GET4: variants seen among roughly 807,000 people sequenced by gnomAD.
GET4 encodes the protein Golgi to ER traffic protein 4 homolog.
A neutral mutation model predicts 40.0 loss-of-function variants in GET4; 20 were observed. The ratio of observed to expected loss-of-function variants is 0.50; its 90% CI spans 0.35 to 0.73. The LOEUF (loss-of-function observed/expected upper bound fraction) is 0.73. Among genes scored for constraint, GET4 ranks in the 30% least tolerant of loss-of-function variants. The pLI, the probability that GET4 is intolerant of heterozygous loss-of-function variation, is 0.01. For synonymous variants in GET4, 280 were observed against 194.6 expected (o/e 1.44, Z -3.65); for missense variants, 557 against 454.0 (o/e 1.23, Z -2.06).
In GET4 at chr7:895,390, C is replaced by T; in HGVS notation, c.952C>T (p.Pro318Ser). The change falls in exon 9 of 9, where the codon CCC becomes TCC. Residue 318 changes from proline to serine, a missense_variant. Pro to Ser is a moderately conservative substitution (Grantham distance 74). Transcript: ENST00000265857. Reference sequence around the variant, plus strand: ...AGAGCAGGAGGATGGGGAGGAGAGCCCCAGCGACGGCAGCCCCATCGAGCT... The same window carrying T: ...AGAGCAGGAGGATGGGGAGGAGAGCTCCAGCGACGGCAGCCCCATCGAGCT... ...SSEQEDGEES[P>S]SDGSPIELD 1 of 1,596,460 alleles carries T rather than the reference C, an allele frequency of 6.3e-7. No individual in the cohort carries two copies. The highest frequency in any genetic ancestry group is 8.6e-7 in the Non-Finnish European group (1 of 1,165,796).
intron 2 of GET4, 70 bp downstream of exon 2, chr7:886,204 C>A: frequency 4.1e-6 from 4 of 985,908 alleles, no homozygotes; most frequent in Non-Finnish European, 6.5e-6. Context: ...GAATGACCTC[C>A]CACCTCCACT....
At position 891,675 on chromosome 7, in the gene GET4, C is replaced by T. The variant is rs71538116; in HGVS notation, c.606-603C>T. On this transcript the variant is annotated intron_variant, in intron 5 of 8. Transcript: ENST00000265857. ...CACAGAACAAATATGGATTTCAAGG[C>T]GGGCGTTGGGGATTTGATGTAGGAT... 5.8e-3 allele frequency among the ~76,000 whole-genome samples: 886 copies of T among 152,364 alleles called. 2 individuals are homozygous for T. The highest frequency in any genetic ancestry group is 9.0e-3 in the Non-Finnish European group (615 of 68,040).
chr7:888,787 G>A (rs1306299564), intron 4 of GET4, among the ~76,000 whole-genome samples: 1 of 152,234 alleles, frequency 6.6e-6, no homozygotes, highest in Non-Finnish European at 1.5e-5. Flanking sequence ...CACAGAACAC[G>A]GCCGCAGACA....
At position 876,615 on chromosome 7, in the gene GET4, C is replaced by G. The variant is rs1843941328; in HGVS notation, c.-31C>G. On this transcript the variant is annotated 5_prime_UTR_variant, in exon 1 of 9. Transcript: ENST00000265857. ...GAGGCGCTGCCGACCGCGCCTGCGA[C>G]AGCGTCAGCCCTGCGCGGAGCGCCG... 3 of 1,172,656 alleles carry G rather than the reference C, an allele frequency of 2.6e-6. No homozygotes were observed. Among genetic ancestry groups the G allele is most frequent in the Non-Finnish European group, 3.2e-6 (3 of 944,778 alleles). 72.6% of individuals were successfully genotyped at this position (1,172,656 alleles called of 1,614,324 possible).
In GET4 at chr7:890,522, T is replaced by C. The variant is rs552545571; in HGVS notation, c.467-406T>C. On this transcript the variant is annotated intron_variant, in intron 4 of 8. Coordinates refer to ENST00000265857, the MANE Select transcript of GET4 (RefSeq NM_015949.3). ...TTGTTGGGTCAGTGTGGTGAGAACA[T>C]CAGGCTGGTTTCTGCTGTTGATCTA... 1.2e-4 allele frequency among the ~76,000 whole-genome samples: 19 copies of C among 152,138 alleles called. No individual in the cohort carries two copies. In the South Asian group the frequency reaches 2.3e-3, roughly 18 times the overall value.
intron 1 of GET4, chr7:884,082 G>C: frequency 1.7e-6 from 2 of 1,192,312 alleles, no homozygotes; most frequent in Non-Finnish European, 2.1e-6. Context: ...GCCTTCCAGG[G>C]AGTCCTTTTT....
In GET4 at chr7:895,748, A is replaced by T. The variant is rs114258265; in HGVS notation, c.*326A>T. The T allele has an allele frequency of 1.2e-3, 225 of 192,804 alleles. No homozygotes were observed. Among genetic ancestry groups the T allele is most frequent in the African/African-American group, 4.9e-3 (211 of 42,986 alleles). 11.9% of individuals were successfully genotyped at this position (192,804 alleles called of 1,614,324 possible). ...TTTCGGGAGGGCTGATGGGCAGCACAGGAGGCCCGTCCTCGGGGGGCTGCG... is the reference window on the plus strand; with the variant it reads ...TTTCGGGAGGGCTGATGGGCAGCACTGGAGGCCCGTCCTCGGGGGGCTGCG... On this transcript the variant is annotated 3_prime_UTR_variant, in exon 9 of 9. Coordinates refer to ENST00000265857, the MANE Select transcript of GET4 (RefSeq NM_015949.3).
At chr7:887,258 G>T (rs1391426664) in intron 3 of GET4, 112 bp from the exon 4 acceptor site, 1 of 1,096,848 alleles carries the variant, frequency 9.1e-7, no homozygotes, top group East Asian at 2.4e-5. Flanking sequence ...CGCCCAGCAG[G>T]TTCCTCTCCC....
At chr7:892,802 AGTGCAGGTGTAGACGGCGTAT>A (rs1219841906) in intron 6 of GET4, among the ~76,000 whole-genome samples, 1 of 145,816 alleles carries the variant, frequency 6.9e-6, no homozygotes, top group African/African-American at 2.6e-5. Context: ...TACAGGTGTG[AGTGCAGGTGTAGACGGCGTAT>A]GTGCAGGTGT....
At chr7:891,384 A>G (rs112077401) in intron 5 of GET4, among the ~76,000 whole-genome samples, 1,967 of 152,160 alleles carry the variant, frequency 0.013, 16 homozygotes, top group African/African-American at 0.025. Flanking sequence ...TCTTTCCCGC[A>G]CTATCTGGAA....
chr7:888,602 T>G (rs1417319628), intron 4 of GET4, among the ~76,000 whole-genome samples: 1 of 152,202 alleles, frequency 6.6e-6, no homozygotes, highest in African/African-American at 2.4e-5. Flanking sequence ...CACAGGGAGA[T>G]GAGCCAGTGC....
chr7:886,912 G>A (rs930507988), intron 3 of GET4: 24 of 551,450 alleles, frequency 4.4e-5, no homozygotes, highest in East Asian at 2.5e-4. Context: ...CCACTGCTCC[G>A]ATGGACAGTG....
At chr7:894,784 G>A (rs879222326) in intron 8 of GET4, among the ~76,000 whole-genome samples, 9 of 152,246 alleles carry the variant, frequency 5.9e-5, no homozygotes, top group Admixed American at 2.0e-4. Flanking sequence ...GTAACGTCTC[G>A]TTTGGGTTCA....
chr7:887,738 C>G (rs1322086040), intron 4 of GET4, among the ~76,000 whole-genome samples: 1 of 152,232 alleles, frequency 6.6e-6, no homozygotes, highest in Non-Finnish European at 1.5e-5. Context: ...GGCCGCCTCT[C>G]CAGGCCTTCC....
chr7:894,099 A>G (rs1844411493), intron 8 of GET4, 128 bp downstream of exon 8: 1 of 594,288 alleles, frequency 1.7e-6, no homozygotes, highest in Admixed American at 3.4e-5. Flanking sequence ...AATGTTTCTC[A>G]GTTTACTTTT....
Position 895,679 on chromosome 7 carries a change from C to A in GET4, c.*257C>A. ...AGATTGACCCACAATAAAGCACAGGCCTTACCGCGGCGTCACCCTCTCCCA... is the reference window on the plus strand; with the variant it reads ...AGATTGACCCACAATAAAGCACAGGACTTACCGCGGCGTCACCCTCTCCCA... On this transcript the variant is annotated 3_prime_UTR_variant, in exon 9 of 9. Transcript: ENST00000265857. 6.1e-6 allele frequency: 2 copies of A among 326,238 alleles called. No individual in the cohort carries two copies. The highest frequency in any genetic ancestry group is 6.5e-5 in the South Asian group (1 of 15,312). The allele number at this position is 326,238 out of a possible 1,614,324, so 20.2% of individuals were successfully genotyped here.
At chr7:877,367 C>T (rs1390690224) in intron 1 of GET4, among the ~76,000 whole-genome samples, 2 of 127,356 alleles carry the variant, frequency 1.6e-5, no homozygotes, top group African/African-American at 3.1e-5. Flanking sequence ...TCCCCCTGCC[C>T]CTCGTCTCTT....
intron 5 of GET4, among the ~76,000 whole-genome samples, chr7:891,890 C>G (rs182899972): frequency 3.3e-5 from 5 of 152,262 alleles, no homozygotes; most frequent in African/African-American, 7.2e-5. Flanking sequence ...TGTGGGTCCT[C>G]GAACAGAAGC....
chr7:886,892 C>T, intron 3 of GET4: 1 of 564,348 alleles, frequency 1.8e-6, no homozygotes, highest in South Asian at 2.0e-5. Context: ...TGACTGGGGC[C>T]CTGTCCTCTC....
Sources: gnomAD v4.1 joint callset for allele counts (sites outside exome capture counted in the v4.1 genomes callset) on GRCh38, gnomAD v4.1.1 for gene constraint, MANE v1.5 for transcripts, NCBI Gene and HGNC (gene_info 2026-07-23, HGNC 2026-07-21) for gene names.